Variants in GRB10 observed in about 807,000 individuals in gnomAD.
GRB10 encodes the protein growth factor receptor-bound protein 10.
In GRB10, 20 loss-of-function variants were observed where a neutral mutation model predicts 80.9. The ratio of observed to expected loss-of-function variants is 0.25; its 90% CI spans 0.17 to 0.36. The LOEUF (loss-of-function observed/expected upper bound fraction) is 0.36, where lower values mean the gene tolerates loss of function less well. Among genes scored for constraint, GRB10 ranks in the 10% least tolerant of loss-of-function variants. The pLI, the probability that GRB10 is intolerant of heterozygous loss-of-function variation, is 1.00. For synonymous variants in GRB10, 291 were observed against 291.5 expected (o/e 1.00, Z 0.02); for missense variants, 548 against 747.7 (o/e 0.73, Z 3.12).
intron 4 of GRB10, among the ~76,000 whole-genome samples, chr7:50,713,568 C>T (rs1273905706): frequency 7.5e-6 from 1 of 133,794 alleles, no homozygotes; most frequent in Admixed American, 8.0e-5. Context: ...CCTCCTCCAC[C>T]ATCTCCATCC....
intron 3 of GRB10, among the ~76,000 whole-genome samples, chr7:50,739,547 C>T (rs996141211): frequency 6.6e-6 from 1 of 152,190 alleles, no homozygotes; most frequent in African/African-American, 2.4e-5. Context: ...CACATGGCAA[C>T]GTACTAAGTG....
rs1260356021 is a variant in GRB10 at position 50,698,265 on chromosome 7, T to C, written c.139+5556A>G. The stretch of plus-strand genomic sequence containing the variant: ...TACAAATTATTCTCCCAGGCTGAAG[T>C]GCGCCTTTCAGCATGTTAAATATCA... On this transcript the variant is annotated intron_variant, in intron 5 of 18. Coordinates refer to ENST00000401949, the MANE Select transcript of GRB10 (RefSeq NM_001350814.2). Among the ~76,000 whole-genome samples, 4 of 152,240 alleles carry C rather than the reference T, an allele frequency of 2.6e-5. No homozygotes were observed. The East Asian group carries it at 5.8e-4, about 22-fold the overall frequency.
intron 7 of GRB10, among the ~76,000 whole-genome samples, chr7:50,637,133 A>G (rs888455343): frequency 6.6e-6 from 1 of 152,036 alleles, no homozygotes; most frequent in African/African-American, 2.4e-5. Context: ...ATGTGCCATC[A>G]CACCCAGCTA....
chr7:50,733,727 G>C (rs537092885), intron 3 of GRB10, among the ~76,000 whole-genome samples: 1 of 152,186 alleles, frequency 6.6e-6, no homozygotes, highest in Non-Finnish European at 1.5e-5. Context: ...GCCTGTCCTC[G>C]GGGTAGCTGG....
chr7:50,776,778 C>T (rs1433311025), intron 2 of GRB10, among the ~76,000 whole-genome samples: 3 of 152,256 alleles, frequency 2.0e-5, no homozygotes, highest in Non-Finnish European at 4.4e-5. Context: ...TTTCCATATA[C>T]GACCACAGCA....
Position 50,592,715 on chromosome 7 carries a change from T to G in GRB10, c.*237A>C. 1.8e-6 allele frequency: 1 copy of G among 564,170 alleles called. No individual in the cohort carries two copies. The highest frequency in any genetic ancestry group is 3.0e-5 in the East Asian group (1 of 33,106). 34.9% of individuals were successfully genotyped at this position (564,170 alleles called of 1,614,324 possible). On this transcript the variant is annotated 3_prime_UTR_variant, in exon 19 of 19. Coordinates refer to ENST00000401949, the MANE Select transcript of GRB10 (RefSeq NM_001350814.2). ...TTTATTTTCAACTTTCCGCTGGATC[T>G]TCCATGCCCTCCCCAATTTGGCCGA... is the stretch of plus-strand genomic sequence containing the variant.
intron 17 of GRB10, among the ~76,000 whole-genome samples, chr7:50,600,164 G>C (rs769400610): frequency 6.6e-6 from 1 of 152,118 alleles, no homozygotes. Context: ...CTGTTGATAC[G>C]GTTCAGGGGT....
upstream of GRB10, among the ~76,000 whole-genome samples, chr7:50,784,110 C>T (rs1049316023): frequency 3.9e-5 from 6 of 152,208 alleles, no homozygotes; most frequent in African/African-American, 1.2e-4. Flanking sequence ...CCACATATGG[C>T]CTGGCTACTG....
chr7:50,632,247 A>G (rs1043842313), intron 7 of GRB10, among the ~76,000 whole-genome samples: 1 of 152,208 alleles, frequency 6.6e-6, no homozygotes, highest in Non-Finnish European at 1.5e-5. Flanking sequence ...TAAAGAGAAC[A>G]CGCATAATAA....
rs376008455 is a variant in GRB10 at position 50,742,340 on chromosome 7, CACA to C, written c.-46-9975_-46-9973del. Among the ~76,000 whole-genome samples the C allele has an allele frequency of 1.2e-3, 179 of 151,516 alleles. 1 individual carries two copies. The highest frequency in any genetic ancestry group is 4.1e-3 in the African/African-American group (169 of 41,170). ...ATACACGGCATCCATTCCCACTGAT[CACA>C]ACAAGAAAATGAAGTGCTGAGATGA... On this transcript the variant is annotated intron_variant, in intron 3 of 18. Transcript: ENST00000401949.
At chr7:50,636,966 G>A (rs1470564669) in intron 7 of GRB10, among the ~76,000 whole-genome samples, 2 of 152,166 alleles carry the variant, frequency 1.3e-5, no homozygotes, top group Non-Finnish European at 2.9e-5. Flanking sequence ...GATGGCATGA[G>A]TTGTGTTTTT....
At chr7:50,633,150 T>C (rs1163668414) in intron 7 of GRB10, among the ~76,000 whole-genome samples, 1 of 152,194 alleles carries the variant, frequency 6.6e-6, no homozygotes, top group Non-Finnish European at 1.5e-5. Flanking sequence ...GCTGACAGTA[T>C]ACAGCGGTGG....
chr7:50,785,386 A>G (rs1354318430), upstream of GRB10, among the ~76,000 whole-genome samples: 1 of 152,184 alleles, frequency 6.6e-6, no homozygotes, highest in Non-Finnish European at 1.5e-5. Flanking sequence ...CCACAGCTCT[A>G]TTGAGCCGCA....
At chr7:50,696,177 G>A (rs2063391720) in intron 5 of GRB10, among the ~76,000 whole-genome samples, 1 of 152,136 alleles carries the variant, frequency 6.6e-6, no homozygotes. Flanking sequence ...GCACACACAT[G>A]CACACGTCAT....
At chr7:50,726,328 G>A (rs1349675711) in intron 4 of GRB10, among the ~76,000 whole-genome samples, 2 of 152,142 alleles carry the variant, frequency 1.3e-5, no homozygotes, top group Non-Finnish European at 2.9e-5. Flanking sequence ...AACCCGGGAG[G>A]TGGGGGTTGC....
chr7:50,683,424 T>C (rs61250449), intron 5 of GRB10, among the ~76,000 whole-genome samples: 17,072 of 152,280 alleles, frequency 0.11, 1,165 homozygotes, highest in African/African-American at 0.15. Flanking sequence ...CTTAATGCCA[T>C]TGAAATGTGC....
At chr7:50,660,403 C>T (rs1311032097) in intron 7 of GRB10, among the ~76,000 whole-genome samples, 6 of 152,148 alleles carry the variant, frequency 3.9e-5, no homozygotes, top group African/African-American at 9.7e-5. Context: ...CGTCCTGCCA[C>T]GTTCACACGG....
chr7:50,739,314 T>TA (rs1361593469), intron 3 of GRB10, among the ~76,000 whole-genome samples: 2 of 152,270 alleles, frequency 1.3e-5, no homozygotes, highest in African/African-American at 2.4e-5. Flanking sequence ...ACTGAAACTC[T>TA]AGAGTCTAGC....
At chr7:50,596,173 A>C (rs2153561049) in intron 17 of GRB10, among the ~76,000 whole-genome samples, 1 of 152,356 alleles carries the variant, frequency 6.6e-6, no homozygotes, top group African/African-American at 2.4e-5. Flanking sequence ...GGATGAGAAA[A>C]AAGAGTATTT....
Sources: gnomAD v4.1 joint callset for allele counts (sites outside exome capture counted in the v4.1 genomes callset) on GRCh38, gnomAD v4.1.1 for gene constraint, MANE v1.5 for transcripts, NCBI Gene and HGNC (gene_info 2026-07-23, HGNC 2026-07-21) for gene names.